Variants in MKX observed in about 807,000 individuals in gnomAD.
MKX encodes mohawk homeobox.
A neutral mutation model predicts 36.0 loss-of-function variants in MKX; 13 were observed. The ratio of observed to expected loss-of-function variants is 0.36; its 90% CI spans 0.24 to 0.57. The LOEUF is 0.57. Among genes scored for constraint, MKX ranks in the 20% least tolerant of loss-of-function variants. The pLI is 0.79. For missense variants in MKX, 458 were observed against 456.4 expected, an observed-to-expected ratio of 1.00 and a Z score of -0.03; for synonymous variants, 176 against 178.3, an observed-to-expected ratio of 0.99 and a Z score of 0.10.
At chr10:27,720,986 A>C (rs1156710011) in intron 5 of MKX, among the ~76,000 whole-genome samples, 1 of 152,182 alleles carries the variant, frequency 6.6e-6, no homozygotes, top group Non-Finnish European at 1.5e-5. Flanking sequence ...AGAACAACAA[A>C]TAAAAATCCA....
chr10:27,694,993 A>G (rs1378348065), intron 5 of MKX, among the ~76,000 whole-genome samples: 1 of 151,860 alleles, frequency 6.6e-6, no homozygotes, highest in African/African-American at 2.4e-5. Context: ...ACCACTCAGA[A>G]GGTGGAAGCA....
Position 27,675,535 on chromosome 10 carries a change from G to A in MKX, c.858C>T (p.Ser286=), listed in dbSNP as rs1465414445. 1 of 1,613,884 alleles carries A rather than the reference G, an allele frequency of 6.2e-7. No individual in the cohort carries two copies. Among genetic ancestry groups the A allele is most frequent in the Non-Finnish European group, 8.5e-7 (1 of 1,179,954 alleles). ...ATTTTGCTCACCTTTCACCCTTATTGGATCCGTTTTCCAGAGTGTCTGTAA... is the reference window on the plus strand; with the variant it reads ...ATTTTGCTCACCTTTCACCCTTATTAGATCCGTTTTCCAGAGTGTCTGTAA... The part of the protein sequence containing the change: ...VYRTDTLENG[S]NKGESAANRK... Residue 286 remains serine, a synonymous_variant, in exon 6 of 7, where the codon TCC becomes TCT. Transcript: ENST00000419761.
chr10:27,730,669 G>T (rs1675196311), intron 5 of MKX, among the ~76,000 whole-genome samples: 1 of 151,584 alleles, frequency 6.6e-6, no homozygotes, highest in African/African-American at 2.4e-5. Flanking sequence ...TATTGGCCAG[G>T]CTGGTCTCGA....
At chr10:27,732,463 AC>A (rs1243367017) in intron 5 of MKX, among the ~76,000 whole-genome samples, 6 of 152,064 alleles carry the variant, frequency 3.9e-5, no homozygotes, top group South Asian at 2.1e-4. Flanking sequence ...ATTTTTTAAA[AC>A]CTTTTTTGTT....
At chr10:27,736,134 A>G (rs954207257) in intron 3 of MKX, among the ~76,000 whole-genome samples, 3 of 152,174 alleles carry the variant, frequency 2.0e-5, no homozygotes, top group African/African-American at 7.2e-5. Context: ...GGTAATAGTC[A>G]AAGTTGCAAG....
intron 5 of MKX, among the ~76,000 whole-genome samples, chr10:27,702,168 G>A (rs975389188): frequency 6.6e-6 from 1 of 152,130 alleles, no homozygotes; most frequent in Non-Finnish European, 1.5e-5. Context: ...CACGGACAAA[G>A]CCAAAAGCAT....
intron 5 of MKX, among the ~76,000 whole-genome samples, chr10:27,677,685 G>A (rs962545099): frequency 4.6e-5 from 7 of 152,100 alleles, no homozygotes; most frequent in Admixed American, 2.0e-4. Flanking sequence ...TAAACAAGGC[G>A]AACAAACAAA....
chr10:27,732,916 T>TA (rs77487538), intron 5 of MKX, among the ~76,000 whole-genome samples: 2 of 150,388 alleles, frequency 1.3e-5, no homozygotes, highest in Non-Finnish European at 3.0e-5. Context: ...CATGGGTAAT[T>TA]AAAAAAAAAA....
chr10:27,711,413 T>TTTCC (rs1491230206), intron 5 of MKX, among the ~76,000 whole-genome samples: 102 of 123,018 alleles, frequency 8.3e-4, no homozygotes, highest in Non-Finnish European at 1.4e-3. Flanking sequence ...TCTTTCCTTC[T>TTTCC]TTCTTTCTTT....
chr10:27,707,014 C>G (rs116170814), intron 5 of MKX, among the ~76,000 whole-genome samples: 1,977 of 152,294 alleles, frequency 0.013, 31 homozygotes, highest in African/African-American at 0.045. Flanking sequence ...CGCGTCAGCC[C>G]CAACTCACAG....
At chr10:27,730,810 A>G (rs943131034) in intron 5 of MKX, among the ~76,000 whole-genome samples, 2 of 151,580 alleles carry the variant, frequency 1.3e-5, no homozygotes, top group African/African-American at 4.8e-5. Flanking sequence ...CAAGACAGCT[A>G]CTCTAACAAA....
At chr10:27,691,957 A>G (rs895349391) in intron 5 of MKX, among the ~76,000 whole-genome samples, 4 of 152,032 alleles carry the variant, frequency 2.6e-5, no homozygotes, top group African/African-American at 9.7e-5. Flanking sequence ...TCCACTCTTG[A>G]TGGACATCTG....
intron 5 of MKX, among the ~76,000 whole-genome samples, chr10:27,732,835 T>C (rs1051718849): frequency 2.0e-5 from 3 of 151,968 alleles, no homozygotes; most frequent in East Asian, 1.9e-4. Context: ...GCAGCCTTGA[T>C]CTCCTGGGCT....
chr10:27,709,409 G>A (rs1488681797), intron 5 of MKX, among the ~76,000 whole-genome samples: 1 of 152,174 alleles, frequency 6.6e-6, no homozygotes, highest in African/African-American at 2.4e-5. Context: ...TTTGGTATTG[G>A]TGGCAGAAGT....
chr10:27,740,053 C>T (rs1158821220), intron 3 of MKX, among the ~76,000 whole-genome samples: 2 of 152,098 alleles, frequency 1.3e-5, no homozygotes, highest in African/African-American at 4.8e-5. Context: ...ATACCATTGC[C>T]TGATAATATG....
At chr10:27,707,775 C>T (rs1351054895) in intron 5 of MKX, among the ~76,000 whole-genome samples, 1 of 152,212 alleles carries the variant, frequency 6.6e-6, no homozygotes, top group Non-Finnish European at 1.5e-5. Context: ...ACTTTCCTTC[C>T]ACCCAAACTG....
chr10:27,681,531 A>C (rs1836254810), intron 5 of MKX, among the ~76,000 whole-genome samples: 1 of 152,212 alleles, frequency 6.6e-6, no homozygotes, highest in African/African-American at 2.4e-5. Flanking sequence ...ACAGTACATA[A>C]TACTTGATAA....
rs555198093 is a variant in MKX at position 27,732,534 on chromosome 10, C to T, written c.838+1922G>A. Among the ~76,000 whole-genome samples, 18 of 151,872 alleles carry T rather than the reference C, an allele frequency of 1.2e-4. No individual in the cohort carries two copies. The South Asian group carries it at 2.9e-3, about 25-fold the overall frequency. On this transcript the variant is annotated intron_variant, in intron 5 of 6. Transcript: ENST00000419761. ...TGTAATTTCCAATTTTAATTTGCGT[C>T]GATTTTTGCTTGTTTAATTTATTAT...
At chr10:27,699,302 T>C (rs985185273) in intron 5 of MKX, among the ~76,000 whole-genome samples, 3 of 152,168 alleles carry the variant, frequency 2.0e-5, no homozygotes, top group Non-Finnish European at 4.4e-5. Context: ...AAGGTGCCCT[T>C]AAAAATTTAA....
Sources: allele counts gnomAD v4.1 joint callset (sites outside exome capture counted in the v4.1 genomes callset), GRCh38; gene constraint gnomAD v4.1.1; transcripts MANE v1.5; gene names NCBI Gene and HGNC (gene_info 2026-07-23, HGNC 2026-07-21).